LINGO2: variants seen among roughly 807,000 people sequenced by gnomAD.
The protein encoded by LINGO2 is leucine rich repeat and Ig domain containing 2.
LINGO2 carries 14 observed loss-of-function variants against 30.6 expected under a neutral mutation model. The observed-to-expected ratio is 0.46, with a 90% CI of 0.30 to 0.72. The LOEUF (loss-of-function observed/expected upper bound fraction) is 0.72, where lower values mean the gene tolerates loss of function less well. LINGO2 is among the 30% of genes least tolerant of loss of function. The pLI, the probability that LINGO2 is intolerant of heterozygous loss-of-function variation, is 0.07. For synonymous variants in LINGO2, 317 were observed against 288.5 expected, an observed-to-expected ratio of 1.10 and a Z score of -1.00; for missense variants, 729 against 751.7, an observed-to-expected ratio of 0.97 and a Z score of 0.35.
chr9:28,132,918 C>T (rs969489464), intron 4 of LINGO2, among the ~76,000 whole-genome samples: 1 of 152,200 alleles, frequency 6.6e-6, no homozygotes, highest in East Asian at 1.9e-4. Context: ...TCATTTTGAG[C>T]AGACCCCCCT....
chr9:29,090,618 A>T, the LINGO2 span, among the ~76,000 whole-genome samples: 1 of 152,084 alleles, frequency 6.6e-6, no homozygotes, highest in East Asian at 1.9e-4. Flanking sequence ...TATCATAAAG[A>T]AAACATATTT....
chr9:28,705,218 C>G, the LINGO2 span, among the ~76,000 whole-genome samples: 1 of 151,978 alleles, frequency 6.6e-6, no homozygotes, highest in Middle Eastern at 3.4e-3. Context: ...TGCCCGGCCA[C>G]CTTGTAACCT....
At chr9:28,741,121 A>G in the LINGO2 span, among the ~76,000 whole-genome samples, 2 of 151,942 alleles carry the variant, frequency 1.3e-5, no homozygotes, top group Non-Finnish European at 2.9e-5. Context: ...TGGGGTAAAC[A>G]TAGTATCTCA....
At chr9:29,120,951 T>C in the LINGO2 span, among the ~76,000 whole-genome samples, 1 of 152,156 alleles carries the variant, frequency 6.6e-6, no homozygotes, top group Admixed American at 6.5e-5. Flanking sequence ...ACAATATAAC[T>C]AAATCTTGAC....
the LINGO2 span, among the ~76,000 whole-genome samples, chr9:28,712,660 G>A: frequency 6.6e-6 from 1 of 151,122 alleles, no homozygotes; most frequent in Non-Finnish European, 1.5e-5. Context: ...ATAGAGACTG[G>A]CATATAATAC....
At chr9:27,975,008 G>A (rs564304529) in intron 5 of LINGO2, among the ~76,000 whole-genome samples, 1 of 152,090 alleles carries the variant, frequency 6.6e-6, no homozygotes, top group African/African-American at 2.4e-5. Flanking sequence ...TCATTCTGTT[G>A]CCAGAGGAGT....
At chr9:29,187,780 A>ATTTTTTTTTTTTTTTTTTTTTTTTTTTTT in the LINGO2 span, among the ~76,000 whole-genome samples, 1 of 118,848 alleles carries the variant, frequency 8.4e-6, no homozygotes. Flanking sequence ...ATACATTTCA[A>ATTTTTTTTTTTTTTTTTTTTTTTTTTTTT]TTTTTTTTTT....
chr9:28,548,631 G>C (rs1024634251), intron 1 of LINGO2, among the ~76,000 whole-genome samples: 11 of 140,762 alleles, frequency 7.8e-5, no homozygotes, highest in African/African-American at 2.9e-4. Context: ...TTGAATCCAG[G>C]AGGCAGAGGT....
At chr9:28,579,981 T>A (rs1236491345) in intron 1 of LINGO2, among the ~76,000 whole-genome samples, 1 of 152,130 alleles carries the variant, frequency 6.6e-6, no homozygotes, top group Non-Finnish European at 1.5e-5. Flanking sequence ...CTGTCAACAT[T>A]ACTCAAATGC....
the LINGO2 span, among the ~76,000 whole-genome samples, chr9:28,807,324 G>A: frequency 2.0e-5 from 3 of 151,896 alleles, no homozygotes; most frequent in Non-Finnish European, 4.4e-5. Flanking sequence ...ATGCCCGGCC[G>A]TGAAAATCTT....
the LINGO2 span, among the ~76,000 whole-genome samples, chr9:29,111,118 A>C: frequency 1.3e-5 from 2 of 152,222 alleles, no homozygotes; most frequent in Admixed American, 1.3e-4. Flanking sequence ...ATGTTATTGT[A>C]AGAATGATCC....
chr9:29,163,719 T>G, the LINGO2 span, among the ~76,000 whole-genome samples: 4 of 152,154 alleles, frequency 2.6e-5, no homozygotes, highest in African/African-American at 9.7e-5. Context: ...TACACAATGA[T>G]TCAGGATTAC....
chr9:28,543,312 T>C (rs1821787509), intron 1 of LINGO2, among the ~76,000 whole-genome samples: 2 of 152,240 alleles, frequency 1.3e-5, no homozygotes, highest in African/African-American at 2.4e-5. Context: ...TAATGTAGAA[T>C]AGCATATCTC....
the LINGO2 span, among the ~76,000 whole-genome samples, chr9:29,002,405 A>G: frequency 2.6e-5 from 4 of 152,080 alleles, no homozygotes; most frequent in African/African-American, 9.7e-5. Context: ...ATCTGAGTAA[A>G]TAGCAAGAAC....
At chr9:28,987,660 G>C in the LINGO2 span, among the ~76,000 whole-genome samples, 1 of 151,806 alleles carries the variant, frequency 6.6e-6, no homozygotes, top group Non-Finnish European at 1.5e-5. Flanking sequence ...CTCTTCTTTT[G>C]TAATATAAGC....
chr9:28,934,147 C>T, the LINGO2 span, among the ~76,000 whole-genome samples: 1 of 152,138 alleles, frequency 6.6e-6, no homozygotes, highest in African/African-American at 2.4e-5. Flanking sequence ...CATAGCTGAA[C>T]TTGAGTATTG....
At chr9:27,996,751 G>T (rs1032193927) in intron 5 of LINGO2, among the ~76,000 whole-genome samples, 1 of 152,168 alleles carries the variant, frequency 6.6e-6, no homozygotes. Flanking sequence ...ATAGCTAGAA[G>T]ATTTGCAACA....
At chr9:28,495,644 G>A (rs1300665162) in intron 1 of LINGO2, among the ~76,000 whole-genome samples, 2 of 152,102 alleles carry the variant, frequency 1.3e-5, no homozygotes, top group East Asian at 1.9e-4. Context: ...TTGAAGTCAG[G>A]TGTCTCTATT....
chr9:28,396,573 G>A (rs960820352), intron 2 of LINGO2, among the ~76,000 whole-genome samples: 3 of 151,646 alleles, frequency 2.0e-5, no homozygotes, highest in Admixed American at 6.6e-5. Flanking sequence ...GCATGGTGGC[G>A]GGCACTTGTA....
Sources: allele counts gnomAD v4.1 joint callset (sites outside exome capture counted in the v4.1 genomes callset), GRCh38; gene constraint gnomAD v4.1.1; transcripts MANE v1.5; gene names NCBI Gene and HGNC (gene_info 2026-07-23, HGNC 2026-07-21).